TMEM108: variants seen among roughly 807,000 people sequenced by gnomAD.
TMEM108 encodes cancer/testis antigen 124.
Under a neutral mutation model 35.1 loss-of-function variants are expected in TMEM108, and 12 were observed. That is an observed-to-expected ratio of 0.34 (90% CI 0.22 to 0.55). The LOEUF is 0.55. TMEM108 is among the 20% of genes least tolerant of loss of function. TMEM108 has a pLI of 0.89. For missense variants in TMEM108, 680 were observed against 753.3 expected, an observed-to-expected ratio of 0.90 and a Z score of 1.14; for synonymous variants, 287 against 308.6, an observed-to-expected ratio of 0.93 and a Z score of 0.73.
At chr3:133,141,202 C>T (rs1322041804) in intron 2 of TMEM108, among the ~76,000 whole-genome samples, 2 of 152,184 alleles carry the variant, frequency 1.3e-5, no homozygotes, top group Non-Finnish European at 2.9e-5. Flanking sequence ...GTTTCCAGAG[C>T]TATGGTGCCA....
At chr3:133,097,526 C>A (rs891371124) in intron 2 of TMEM108, among the ~76,000 whole-genome samples, 3 of 152,118 alleles carry the variant, frequency 2.0e-5, no homozygotes, top group African/African-American at 7.2e-5. Context: ...ACTCCCTAAC[C>A]CCACAGACTA....
At chr3:133,066,605 A>G (rs1576300638) in intron 2 of TMEM108, among the ~76,000 whole-genome samples, 2 of 152,204 alleles carry the variant, frequency 1.3e-5, no homozygotes, top group Admixed American at 1.3e-4. Context: ...TTAGTATAGG[A>G]GCAAACCATT....
intron 3 of TMEM108, among the ~76,000 whole-genome samples, chr3:133,377,895 T>C (rs2072888353): frequency 6.6e-6 from 1 of 152,184 alleles, no homozygotes; most frequent in Non-Finnish European, 1.5e-5. Flanking sequence ...ACAAACCCTA[T>C]TGTGAACTGC....
intron 2 of TMEM108, among the ~76,000 whole-genome samples, chr3:133,124,251 C>T (rs1433697330): frequency 6.6e-6 from 1 of 152,142 alleles, no homozygotes; most frequent in African/African-American, 2.4e-5. Flanking sequence ...GAAGAAACTA[C>T]AATCTGTAAG....
intron 3 of TMEM108, among the ~76,000 whole-genome samples, chr3:133,266,726 T>C (rs1488856983): frequency 1.3e-5 from 2 of 152,068 alleles, no homozygotes; most frequent in Admixed American, 1.3e-4. Flanking sequence ...GATTGCATAT[T>C]GGCTGACCCA....
At chr3:133,261,278 A>C (rs192108345) in intron 3 of TMEM108, among the ~76,000 whole-genome samples, 5 of 152,340 alleles carry the variant, frequency 3.3e-5, no homozygotes, top group Non-Finnish European at 7.3e-5. Context: ...AATTTTCACA[A>C]ACAGTCCACC....
chr3:133,087,726 AT>A (rs1196321280), intron 2 of TMEM108, among the ~76,000 whole-genome samples: 1 of 152,144 alleles, frequency 6.6e-6, no homozygotes, highest in Non-Finnish European at 1.5e-5. Flanking sequence ...GGCTTCGGGT[AT>A]CTTGAGAACA....
At chr3:133,321,551 C>T (rs1040687017) in intron 3 of TMEM108, among the ~76,000 whole-genome samples, 1 of 151,962 alleles carries the variant, frequency 6.6e-6, no homozygotes, top group African/African-American at 2.4e-5. Flanking sequence ...ATGAGATAGA[C>T]AGCAACAAAA....
intron 3 of TMEM108, among the ~76,000 whole-genome samples, chr3:133,351,927 G>A (rs373878040): frequency 2.0e-5 from 3 of 152,188 alleles, no homozygotes. Context: ...TATCCACTTG[G>A]GGAGTTTTTA....
At chr3:133,085,349 GC>G (rs1394761214) in intron 2 of TMEM108, among the ~76,000 whole-genome samples, 1 of 152,074 alleles carries the variant, frequency 6.6e-6, no homozygotes, top group Non-Finnish European at 1.5e-5. Flanking sequence ...GCCACCAAAG[GC>G]CTTGCCCACT....
At chr3:133,064,607 G>C in intron 2 of TMEM108, among the ~76,000 whole-genome samples, 1 of 151,976 alleles carries the variant, frequency 6.6e-6, no homozygotes, top group Non-Finnish European at 1.5e-5. Flanking sequence ...CACTTTTAAA[G>C]TTCCACTTTG....
chr3:133,379,567 T>C (rs921418589), intron 3 of TMEM108, 185 bp from the exon 4 acceptor site: 9 of 630,778 alleles, frequency 1.4e-5, no homozygotes, highest in African/African-American at 9.0e-5. Context: ...AGGCAGCACC[T>C]ACCTAATAGA....
intron 3 of TMEM108, among the ~76,000 whole-genome samples, chr3:133,251,133 A>G (rs1465329503): frequency 5.9e-5 from 9 of 152,184 alleles, no homozygotes; most frequent in Admixed American, 4.6e-4. Flanking sequence ...GGGACATGGA[A>G]TGAGATTGAT....
chr3:133,063,916 T>C (rs998844466), intron 2 of TMEM108, among the ~76,000 whole-genome samples: 1 of 152,194 alleles, frequency 6.6e-6, no homozygotes, highest in African/African-American at 2.4e-5. Context: ...AACATTCTCA[T>C]GTTTTATTCA....
intron 3 of TMEM108, among the ~76,000 whole-genome samples, chr3:133,289,846 C>G (rs1430116021): frequency 6.6e-6 from 1 of 152,146 alleles, no homozygotes; most frequent in Non-Finnish European, 1.5e-5. Flanking sequence ...TTACGTTATG[C>G]CACCTAAGAT....
chr3:133,140,160 A>C (rs1264184804), intron 2 of TMEM108, among the ~76,000 whole-genome samples: 1 of 152,200 alleles, frequency 6.6e-6, no homozygotes, highest in Non-Finnish European at 1.5e-5. Flanking sequence ...TTTGGGGAAA[A>C]GATTTGCCGA....
chr3:133,106,076 T>C (rs1428591631), intron 2 of TMEM108, among the ~76,000 whole-genome samples: 1 of 151,700 alleles, frequency 6.6e-6, no homozygotes, highest in Non-Finnish European at 1.5e-5. Context: ...TTTAAATACA[T>C]ACTTATAATA....
chr3:133,107,521 A>C (rs186465618), intron 2 of TMEM108, among the ~76,000 whole-genome samples: 1 of 149,392 alleles, frequency 6.7e-6, no homozygotes, highest in East Asian at 2.0e-4. Flanking sequence ...ATTTCAGCCA[A>C]ACACAGACAT....
chr3:133,316,320 T>C (rs1052488789), intron 3 of TMEM108, among the ~76,000 whole-genome samples: 1 of 152,228 alleles, frequency 6.6e-6, no homozygotes, highest in African/African-American at 2.4e-5. Context: ...CCATATTATA[T>C]GAACATATTT....
Sources: allele counts gnomAD v4.1 joint callset (sites outside exome capture counted in the v4.1 genomes callset), GRCh38; gene constraint gnomAD v4.1.1; transcripts MANE v1.5; gene names NCBI Gene and HGNC (gene_info 2026-07-23, HGNC 2026-07-21).